KIF3A: variants seen among roughly 807,000 people sequenced by gnomAD.
The protein encoded by KIF3A is kinesin-like protein KIF3A.
Under a neutral mutation model 92.6 loss-of-function variants are expected in KIF3A, and 27 were observed. The observed-to-expected ratio is 0.29, with a 90% confidence interval of 0.21 to 0.40. The LOEUF (loss-of-function observed/expected upper bound fraction) is 0.40. Among genes scored for constraint, KIF3A ranks in the 10% least tolerant of loss-of-function variants. The probability of loss-of-function intolerance (pLI) is 1.00; values close to 1 mark genes in which losing one functional copy is unlikely to be tolerated. For synonymous variants in KIF3A, 250 were observed against 275.4 expected (o/e 0.91, Z 0.92); for missense variants, 581 against 872.6 (o/e 0.67, Z 4.21).
intron 10 of KIF3A, 53 bp downstream of exon 10, chr5:132,708,854 T>TG: frequency 1.6e-6 from 2 of 1,223,348 alleles, no homozygotes; most frequent in Non-Finnish European, 2.4e-6. Flanking sequence ...ATGAAGCCCA[T>TG]GGGTTATGGA....
downstream of KIF3A, among the ~76,000 whole-genome samples, chr5:132,690,094 T>C (rs919342344): frequency 3.9e-5 from 6 of 152,172 alleles, no homozygotes; most frequent in Non-Finnish European, 5.9e-5. Flanking sequence ...GTTGCGTCTG[T>C]AGTACCAGCT....
chr5:132,734,140 T>C (rs1234797559), intron 2 of KIF3A, 65 bp downstream of exon 2: 1 of 1,276,802 alleles, frequency 7.8e-7, no homozygotes, highest in Non-Finnish European at 1.1e-6. Flanking sequence ...CTGCAATATG[T>C]GAATTTATGG....
intron 4 of KIF3A, chr5:132,723,419 C>G (rs976936397): frequency 2.0e-5 from 3 of 152,184 alleles, no homozygotes; most frequent in African/African-American, 4.8e-5. Flanking sequence ...GCTACAGTAA[C>G]CAAAACAGCA....
intron 5 of KIF3A, among the ~76,000 whole-genome samples, chr5:132,718,546 G>C (rs778611986): frequency 1.3e-5 from 2 of 152,180 alleles, no homozygotes; most frequent in Admixed American, 6.5e-5. Context: ...CTGGCCTCAA[G>C]TGATCCATCC....
rs1476988081 is a variant in KIF3A at position 132,737,477 on chromosome 5, C to G, written c.-58G>C. ...CGCCCGGGGTGCAGCCCAGCGACAC[C>G]GGGTGCGCAGAAAGGATGGCCAGAG... On this transcript the variant is annotated 5_prime_UTR_variant, in exon 1 of 19. Coordinates refer to ENST00000403231, the MANE Select transcript of KIF3A (RefSeq NM_001300791.2). 1.3e-6 allele frequency: 2 copies of G among 1,589,038 alleles called. No homozygotes were observed. Among genetic ancestry groups the G allele is most frequent in the South Asian group, 1.1e-5 (1 of 88,210 alleles).
chr5:132,710,858 T>C, intron 9 of KIF3A, 101 bp downstream of exon 9: 2 of 1,485,268 alleles, frequency 1.3e-6, no homozygotes, highest in Non-Finnish European at 1.8e-6. Context: ...CTAATTGTTA[T>C]CTAATATATT....
At chr5:132,709,649 CTG>C (rs1354734228) in intron 9 of KIF3A, among the ~76,000 whole-genome samples, 1 of 152,218 alleles carries the variant, frequency 6.6e-6, no homozygotes, top group African/African-American at 2.4e-5. Context: ...ATAATCTACT[CTG>C]TGAAAAACTA....
intron 8 of KIF3A, among the ~76,000 whole-genome samples, chr5:132,711,536 G>T (rs1753423123): frequency 6.6e-6 from 1 of 151,968 alleles, no homozygotes; most frequent in South Asian, 2.1e-4. Flanking sequence ...AGGTTGCAGT[G>T]AGCCGAGATG....
rs762525200 is a variant in KIF3A, at chr5:132,694,627, G to A, written c.*2007C>T. The A allele has an allele frequency of 3.3e-5, 5 of 151,762 alleles. No individual in the cohort carries two copies. Among genetic ancestry groups the A allele is most frequent in the African/African-American group, 9.7e-5 (4 of 41,208 alleles). 9.4% of individuals were successfully genotyped at this position (151,762 alleles called of 1,614,324 possible). ...GAAACATGAACTTTTAAAAAGAAGCGTTTTTTTTAAACTGGTAAAATTAAG... is the reference window on the plus strand; with the variant it reads ...GAAACATGAACTTTTAAAAAGAAGCATTTTTTTTAAACTGGTAAAATTAAG... On this transcript the variant is annotated 3_prime_UTR_variant, in exon 19 of 19. Transcript: ENST00000403231.
intron 8 of KIF3A, 64 bp downstream of exon 8, chr5:132,715,691 AAC>A: frequency 1.6e-6 from 2 of 1,236,972 alleles, no homozygotes; most frequent in South Asian, 2.7e-5. Context: ...CTTTTGTTAG[AAC>A]AGTTAGTGGT....
chr5:132,735,034 C>A (rs115715171), intron 1 of KIF3A, among the ~76,000 whole-genome samples: 2,864 of 152,100 alleles, frequency 0.019, 75 homozygotes, highest in African/African-American at 0.061. Context: ...TATTACCTAA[C>A]CTTATAAGCA....
chr5:132,709,294 T>C lies in KIF3A; in HGVS notation c.1229-316A>G, dbSNP rs114495375. Among the ~76,000 whole-genome samples the C allele has an allele frequency of 1.1e-3, 162 of 152,278 alleles. 1 individual carries two copies. The highest frequency in any genetic ancestry group is 3.5e-3 in the African/African-American group (147 of 41,558). On this transcript the variant is annotated intron_variant, in intron 9 of 18. Coordinates refer to ENST00000403231, the MANE Select transcript of KIF3A (RefSeq NM_001300791.2). ...ACAAGAATAAAAAATAAAGAAGTCA[T>C]TTGGTGAGATTTTAGTCTACTGAAA...
chr5:132,690,537 GAGA>G (rs529544902), downstream of KIF3A, among the ~76,000 whole-genome samples: 11 of 152,314 alleles, frequency 7.2e-5, 1 homozygote, highest in African/African-American at 2.4e-4. Context: ...CATAATGTCT[GAGA>G]AGATGTATAT....
chr5:132,729,381 G>T (rs1474940206), intron 2 of KIF3A, among the ~76,000 whole-genome samples: 1 of 152,128 alleles, frequency 6.6e-6, no homozygotes, highest in Admixed American at 6.5e-5. Flanking sequence ...GAGTCCAGGA[G>T]GCTGAGGCTG....
At chr5:132,718,569 C>T (rs1403359863) in intron 5 of KIF3A, among the ~76,000 whole-genome samples, 3 of 152,172 alleles carry the variant, frequency 2.0e-5, no homozygotes, top group African/African-American at 7.2e-5. Flanking sequence ...CTCAGCCACC[C>T]AGAGTGCTGG....
At chr5:132,689,363 T>G (rs1164153310), downstream of KIF3A, among the ~76,000 whole-genome samples, 1 of 152,080 alleles carries the variant, frequency 6.6e-6, no homozygotes, top group African/African-American at 2.4e-5. Context: ...GGATTCAAAG[T>G]GATTTATTGG....
chr5:132,718,387 G>T (rs1476513985), intron 5 of KIF3A, among the ~76,000 whole-genome samples: 1 of 152,120 alleles, frequency 6.6e-6, no homozygotes, highest in Non-Finnish European at 1.5e-5. Context: ...TCGGCTCACT[G>T]CAACCTCCAC....
chr5:132,732,177 G>C (rs749389438), intron 2 of KIF3A, among the ~76,000 whole-genome samples: 1 of 152,176 alleles, frequency 6.6e-6, no homozygotes, highest in Non-Finnish European at 1.5e-5. Context: ...ACAAGTGCTG[G>C]CAAAGATGTG....
At chr5:132,724,807 AT>A (rs372767104) in intron 4 of KIF3A, among the ~76,000 whole-genome samples, 9,453 of 29,678 alleles carry the variant, frequency 0.32, 1,359 homozygotes, top group Non-Finnish European at 0.37. Flanking sequence ...AAAAAAAAAA[AT>A]ATATATATAT....
Sources: allele counts gnomAD v4.1 joint callset (sites outside exome capture counted in the v4.1 genomes callset), GRCh38; gene constraint gnomAD v4.1.1; transcripts MANE v1.5; gene names NCBI Gene and HGNC (gene_info 2026-07-23, HGNC 2026-07-21).